The following MPP7 variants were observed in gnomAD, a reference collection of about 807,000 sequenced individuals.
The protein encoded by MPP7 is MAGUK p55 subfamily member 7.
Under a neutral mutation model 76.5 loss-of-function variants are expected in MPP7, and 60 were observed. The ratio of observed to expected loss-of-function variants is 0.78; its 90% CI spans 0.64 to 0.97. MPP7 has a LOEUF of 0.97. MPP7 is among the 50% of genes least tolerant of loss of function. The pLI, the probability that MPP7 is intolerant of heterozygous loss-of-function variation, is 0.00. For synonymous variants in MPP7, 237 were observed against 244.5 expected (o/e 0.97, Z 0.29); for missense variants, 641 against 694.0 (o/e 0.92, Z 0.86).
intron 1 of MPP7, among the ~76,000 whole-genome samples, chr10:28,275,818 G>T (rs7100582): frequency 0.15 from 22,254 of 151,730 alleles, 1,783 homozygotes; most frequent in South Asian, 0.19. Flanking sequence ...CCAATCTCAC[G>T]ACAGAGCCAT....
Position 28,053,297 on chromosome 10 carries a change from C to T in MPP7, c.*768G>A, listed in dbSNP as rs1274135603. 1 of 152,048 alleles carries T rather than the reference C, an allele frequency of 6.6e-6. No individual in the cohort carries two copies. The highest frequency in any genetic ancestry group is 2.4e-5 in the African/African-American group (1 of 41,400). The allele number at this position is 152,048 out of a possible 1,614,324, so 9.4% of individuals were successfully genotyped here. On this transcript the variant is annotated 3_prime_UTR_variant, in exon 17 of 17. Coordinates refer to ENST00000683449, the MANE Select transcript of MPP7 (RefSeq NM_001318170.2). ...TCTGAGGAATTACAAATAAAAATAT[C>T]CTTTGTAATCATTTCTTGCCACAAG...
At chr10:28,125,725 T>C (rs1042302686) in intron 6 of MPP7, among the ~76,000 whole-genome samples, 2 of 152,204 alleles carry the variant, frequency 1.3e-5, no homozygotes, top group African/African-American at 4.8e-5. Flanking sequence ...GAAAGAGCTC[T>C]TACTCCATGG....
chr10:28,231,020 A>T (rs1287109273), intron 2 of MPP7, among the ~76,000 whole-genome samples: 1 of 152,190 alleles, frequency 6.6e-6, no homozygotes, highest in Non-Finnish European at 1.5e-5. Context: ...TACAGTCAAT[A>T]ATTACAGAAT....
At chr10:28,095,093 C>T (rs1002134122) in intron 11 of MPP7, among the ~76,000 whole-genome samples, 1 of 151,528 alleles carries the variant, frequency 6.6e-6, no homozygotes, top group Non-Finnish European at 1.5e-5. Context: ...AGAAAGTATC[C>T]TTTCCTTTGG....
At chr10:28,116,082 G>C (rs924174449) in intron 11 of MPP7, among the ~76,000 whole-genome samples, 5 of 152,082 alleles carry the variant, frequency 3.3e-5, no homozygotes, top group African/African-American at 4.8e-5. Context: ...ACTCACACTT[G>C]AATATTCTGT....
At chr10:28,174,528 T>C (rs1836794119) in intron 3 of MPP7, among the ~76,000 whole-genome samples, 1 of 152,226 alleles carries the variant, frequency 6.6e-6, no homozygotes, top group African/African-American at 2.4e-5. Flanking sequence ...CAAGAGCAGA[T>C]GTTGGCACCA....
intron 12 of MPP7, among the ~76,000 whole-genome samples, chr10:28,085,893 T>C (rs1297160665): frequency 6.6e-6 from 1 of 152,146 alleles, no homozygotes; most frequent in East Asian, 1.9e-4. Flanking sequence ...CCAACCCAAA[T>C]ACCCATCAAT....
chr10:28,057,213 T>C (rs898576914), intron 15 of MPP7, among the ~76,000 whole-genome samples: 1 of 152,238 alleles, frequency 6.6e-6, no homozygotes, highest in Non-Finnish European at 1.5e-5. Flanking sequence ...AGAGAGGCTC[T>C]GCATAAGCAG....
chr10:28,238,952 T>C (rs1839172031), intron 1 of MPP7, among the ~76,000 whole-genome samples: 1 of 151,798 alleles, frequency 6.6e-6, no homozygotes, highest in African/African-American at 2.4e-5. Context: ...CATGCGTGTG[T>C]TGAGGATTCC....
intron 1 of MPP7, among the ~76,000 whole-genome samples, chr10:28,294,417 C>T (rs1224557548): frequency 6.6e-6 from 1 of 152,156 alleles, no homozygotes; most frequent in Non-Finnish European, 1.5e-5. Flanking sequence ...CCAGAAGCAA[C>T]CTTCAAAATA....
intron 2 of MPP7, among the ~76,000 whole-genome samples, chr10:28,212,222 A>C (rs992574827): frequency 1.3e-5 from 2 of 152,234 alleles, no homozygotes; most frequent in African/African-American, 2.4e-5. Flanking sequence ...GGGAAGATCA[A>C]ACACAGCAAT....
At position 28,147,551 on chromosome 10, in the gene MPP7, G is replaced by T; in HGVS notation, c.247C>A (p.Leu83Ile). The T allele has an allele frequency of 6.2e-7, 1 of 1,613,978 alleles. No homozygotes were observed. Among genetic ancestry groups the T allele is most frequent in the Non-Finnish European group, 8.5e-7 (1 of 1,179,898 alleles). The change falls in exon 5 of 17, where the codon CTT (leucine) becomes ATT (isoleucine). Residue 83 changes from leucine to isoleucine, a missense_variant. Physicochemically the swap from Leu to Ile is conservative, Grantham distance 5. Transcript: ENST00000683449. ...AALADDLAEELQNKPLNSEIR... is the reference protein window; with the variant it reads ...AALADDLAEEIQNKPLNSEIR... ...TCACTGTTTAATGGCTTGTTCTGAA[G>T]CTCTTCGGCCAGCTGCAACGGAGAT...
Position 28,120,334 on chromosome 10 carries a change from A to AAG in MPP7, c.746_747insCT (p.Lys250LeufsTer17). ...TTTTGAAAGAAAGCCCAGCTTCCTT[A>AAG]CATGGAATTGCCTTATCCTCATTAG... On this transcript the variant is annotated frameshift_variant, in exon 10 of 17. Coordinates refer to ENST00000683449, the MANE Select transcript of MPP7 (RefSeq NM_001318170.2). LOFTEE classifies it high-confidence loss of function. 6.2e-7 allele frequency: 1 copy of AAG among 1,614,056 alleles called. No homozygotes were observed. The highest frequency in any genetic ancestry group is 8.5e-7 in the Non-Finnish European group (1 of 1,179,950).
intron 13 of MPP7, among the ~76,000 whole-genome samples, chr10:28,064,883 T>C (rs1352492197): frequency 6.6e-6 from 1 of 152,186 alleles, no homozygotes; most frequent in Non-Finnish European, 1.5e-5. Flanking sequence ...TCTAAACTGG[T>C]ACATTGTACT....
At chr10:28,111,997 T>G (rs1035739230) in intron 11 of MPP7, among the ~76,000 whole-genome samples, 1 of 152,200 alleles carries the variant, frequency 6.6e-6, no homozygotes, top group Non-Finnish European at 1.5e-5. Flanking sequence ...TGTATACCAC[T>G]GTATTTTTAT....
At chr10:28,211,386 C>T (rs1309441811) in intron 2 of MPP7, among the ~76,000 whole-genome samples, 2 of 152,004 alleles carry the variant, frequency 1.3e-5, no homozygotes, top group Non-Finnish European at 2.9e-5. Context: ...TTTACACACA[C>T]TTTTAGATAC....
intron 1 of MPP7, among the ~76,000 whole-genome samples, chr10:28,274,171 C>A (rs1350247658): frequency 6.9e-6 from 1 of 145,120 alleles, no homozygotes; most frequent in African/African-American, 2.6e-5. Context: ...GGCGCAGTCT[C>A]GGCTCACTGC....
At chr10:28,204,373 G>A (rs559866184) in intron 2 of MPP7, among the ~76,000 whole-genome samples, 1 of 151,066 alleles carries the variant, frequency 6.6e-6, no homozygotes, top group African/African-American at 2.4e-5. Context: ...AACCCCGGAG[G>A]TGGAGGTTGG....
At chr10:28,120,897 T>C (rs879733154) in intron 8 of MPP7, among the ~76,000 whole-genome samples, 1 of 152,244 alleles carries the variant, frequency 6.6e-6, no homozygotes, top group Non-Finnish European at 1.5e-5. Flanking sequence ...CCACTTTTAC[T>C]TCCTGTGTAC....
Sources: gnomAD v4.1 joint callset for allele counts (sites outside exome capture counted in the v4.1 genomes callset) on GRCh38, gnomAD v4.1.1 for gene constraint, MANE v1.5 for transcripts, NCBI Gene and HGNC (gene_info 2026-07-23, HGNC 2026-07-21) for gene names.